The following FRAS1 variants were observed in gnomAD, a reference collection of about 807,000 sequenced individuals.
FRAS1 encodes Fraser extracellular matrix complex subunit 1.
A neutral mutation model predicts 435.2 loss-of-function variants in FRAS1; 290 were observed. The ratio of observed to expected loss-of-function variants is 0.67; its 90% CI spans 0.61 to 0.73. The LOEUF (loss-of-function observed/expected upper bound fraction) is 0.73, where lower values mean the gene tolerates loss of function less well. Ranked by LOEUF, FRAS1 falls within the 30% of genes least tolerant of loss-of-function variation. The pLI, the probability that FRAS1 is intolerant of heterozygous loss-of-function variation, is 0.00. For missense variants in FRAS1, 4,860 were observed against 5,001.5 expected, an observed-to-expected ratio of 0.97 and a Z score of 0.85; for synonymous variants, 1,800 against 1,851.0, an observed-to-expected ratio of 0.97 and a Z score of 0.71.
chr4:78,124,125 C>T (rs1222638059), intron 2 of FRAS1, among the ~76,000 whole-genome samples: 1 of 152,094 alleles, frequency 6.6e-6, no homozygotes, highest in Non-Finnish European at 1.5e-5. Context: ...ATAAATAGCT[C>T]TTATTATGTT....
At chr4:78,506,402 C>T (rs1720843866) in intron 61 of FRAS1, among the ~76,000 whole-genome samples, 1 of 152,204 alleles carries the variant, frequency 6.6e-6, no homozygotes, top group Non-Finnish European at 1.5e-5. Context: ...GTGGTGGGCT[C>T]CCCCCAGTTC....
intron 1 of FRAS1, 98 bp downstream of exon 1, chr4:78,058,183 T>G: frequency 8.7e-7 from 1 of 1,154,848 alleles, no homozygotes; most frequent in Non-Finnish European, 1.2e-6. Flanking sequence ...GCAGGTTTTA[T>G]GGTATTTCGG....
intron 61 of FRAS1, among the ~76,000 whole-genome samples, chr4:78,500,440 G>A (rs1026956361): frequency 1.3e-5 from 2 of 152,170 alleles, no homozygotes; most frequent in African/African-American, 2.4e-5. Context: ...CAGCTTAAAG[G>A]TCTGTGATCT....
chr4:78,229,067 T>C (rs1724400376), intron 2 of FRAS1, among the ~76,000 whole-genome samples: 1 of 152,112 alleles, frequency 6.6e-6, no homozygotes, highest in Admixed American at 6.5e-5. Context: ...ACCAAGCCTG[T>C]GGGTATGGAG....
Position 78,058,101 on chromosome 4 carries a change from C to T in FRAS1, c.76+16C>T. 6.4e-7 allele frequency: 1 copy of T among 1,553,908 alleles called. No homozygotes were observed. Among genetic ancestry groups the T allele is most frequent in the Non-Finnish European group, 8.8e-7 (1 of 1,141,370 alleles). ...CATTCCGAAGGTGAGAGAGCGGTGC[C>T]GCGTGTGTGTGTGTGTGTGCGTGTG... On this transcript the variant is annotated intron_variant, in intron 1 of 73. Transcript: ENST00000512123.
chr4:78,516,883 G>A (rs988206905), intron 66 of FRAS1, among the ~76,000 whole-genome samples: 1 of 152,194 alleles, frequency 6.6e-6, no homozygotes, highest in Non-Finnish European at 1.5e-5. Flanking sequence ...TACAATTCAA[G>A]ATGAGATTTG....
intron 60 of FRAS1, among the ~76,000 whole-genome samples, 192 bp downstream of exon 60, chr4:78,497,153 T>C (rs1560413075): frequency 6.6e-6 from 1 of 152,192 alleles, no homozygotes; most frequent in Non-Finnish European, 1.5e-5. Flanking sequence ...ATAGGTATTT[T>C]TAATATCATT....
intron 38 of FRAS1, among the ~76,000 whole-genome samples, chr4:78,436,028 T>A (rs1180927129): frequency 6.6e-6 from 1 of 152,044 alleles, no homozygotes; most frequent in Non-Finnish European, 1.5e-5. Context: ...GATTGGTAAA[T>A]TTGACTATAT....
intron 20 of FRAS1, among the ~76,000 whole-genome samples, chr4:78,345,038 T>C (rs1175431667): frequency 1.3e-5 from 2 of 152,172 alleles, no homozygotes; most frequent in Non-Finnish European, 2.9e-5. Flanking sequence ...TCATATTCCG[T>C]TGTGTTTGGG....
chr4:78,395,704 G>T (rs1274277221), intron 29 of FRAS1, among the ~76,000 whole-genome samples: 1 of 151,838 alleles, frequency 6.6e-6, no homozygotes, highest in Non-Finnish European at 1.5e-5. Context: ...TATTTGCATG[G>T]TATATATTTT....
chr4:78,519,701 G>A (rs992100779), intron 67 of FRAS1, among the ~76,000 whole-genome samples: 30 of 152,190 alleles, frequency 2.0e-4, no homozygotes, highest in Non-Finnish European at 1.5e-4. Flanking sequence ...AGGTCCCAGC[G>A]TAGAGGATGG....
At chr4:78,451,729 G>C (rs1302283935) in intron 45 of FRAS1, 43 bp from the exon 46 acceptor site, 3 of 1,514,022 alleles carry the variant, frequency 2.0e-6, no homozygotes, top group Non-Finnish European at 2.7e-6. Context: ...AATAAGGGCA[G>C]AAAGCACTAA....
At chr4:78,143,638 G>A (rs989362756) in intron 2 of FRAS1, among the ~76,000 whole-genome samples, 1 of 151,970 alleles carries the variant, frequency 6.6e-6, no homozygotes, top group African/African-American at 2.4e-5. Context: ...GCTGAAGCCT[G>A]TGGTCCCAGC....
chr4:78,385,744 G>A (rs1732193838), intron 28 of FRAS1, among the ~76,000 whole-genome samples: 1 of 152,014 alleles, frequency 6.6e-6, no homozygotes, highest in Non-Finnish European at 1.5e-5. Flanking sequence ...AATTAGCCGG[G>A]CATGGTGGTG....
intron 2 of FRAS1, among the ~76,000 whole-genome samples, chr4:78,075,077 C>T (rs2109865742): frequency 6.6e-6 from 1 of 152,310 alleles, no homozygotes; most frequent in South Asian, 2.1e-4. Flanking sequence ...TTAAACATGC[C>T]TAGCTGCTCT....
chr4:78,236,187 G>A (rs1318925947), intron 2 of FRAS1, among the ~76,000 whole-genome samples: 9 of 152,180 alleles, frequency 5.9e-5, no homozygotes, highest in Admixed American at 5.2e-4. Flanking sequence ...TTGTCCAATA[G>A]TGTTGACCAA....
chr4:78,313,839 T>G (rs887686615), intron 15 of FRAS1, among the ~76,000 whole-genome samples: 2 of 152,162 alleles, frequency 1.3e-5, no homozygotes, highest in Admixed American at 1.3e-4. Flanking sequence ...TCAGCCTGAG[T>G]CCTTTAAAGG....
At chr4:78,497,458 C>G (rs531838063) in intron 60 of FRAS1, among the ~76,000 whole-genome samples, 3 of 151,542 alleles carry the variant, frequency 2.0e-5, no homozygotes, top group East Asian at 3.9e-4. Flanking sequence ...CCAGGGAAGA[C>G]AAAACCTGTT....
At chr4:78,122,889 T>C (rs757846822) in intron 2 of FRAS1, among the ~76,000 whole-genome samples, 1 of 152,220 alleles carries the variant, frequency 6.6e-6, no homozygotes, top group African/African-American at 2.4e-5. Context: ...CTTTGTCAGA[T>C]GGATAGATTG....
Sources: gnomAD v4.1 joint callset for allele counts (sites outside exome capture counted in the v4.1 genomes callset) on GRCh38, gnomAD v4.1.1 for gene constraint, MANE v1.5 for transcripts, NCBI Gene and HGNC (gene_info 2026-07-23, HGNC 2026-07-21) for gene names.